The following MYT1L variants were observed in gnomAD, a reference collection of about 807,000 sequenced individuals.
MYT1L encodes myelin transcription factor 1-like protein.
In MYT1L, 12 loss-of-function variants were observed where a neutral mutation model predicts 126.7. The observed-to-expected ratio is 0.09, with a 90% CI of 0.06 to 0.15. MYT1L has a LOEUF of 0.15. Ranked by LOEUF, MYT1L falls within the 10% of genes least tolerant of loss-of-function variation. The pLI, the probability that MYT1L is intolerant of heterozygous loss-of-function variation, is 1.00. For missense variants in MYT1L, 979 were observed against 1,585.2 expected (o/e 0.62, Z 6.49); for synonymous variants, 541 against 604.2 (o/e 0.90, Z 1.53).
intron 4 of MYT1L, among the ~76,000 whole-genome samples, chr2:2,006,454 A>G (rs770991832): frequency 2.6e-5 from 4 of 152,240 alleles, no homozygotes; most frequent in Non-Finnish European, 4.4e-5. Flanking sequence ...ATTGGGCATT[A>G]GATCTCTAGA....
intron 21 of MYT1L, among the ~76,000 whole-genome samples, chr2:1,821,762 G>A (rs2038564649): frequency 6.6e-6 from 1 of 152,180 alleles, no homozygotes; most frequent in African/African-American, 2.4e-5. Context: ...GGGGAGTGGA[G>A]AAGGCAGAGG....
chr2:2,029,321 G>A (rs1479757793), intron 4 of MYT1L, among the ~76,000 whole-genome samples: 1 of 152,182 alleles, frequency 6.6e-6, no homozygotes. Context: ...AAGGAAAGAG[G>A]TTTAATGGAC....
At chr2:2,260,471 G>A (rs905166906) in intron 2 of MYT1L, among the ~76,000 whole-genome samples, 1 of 152,184 alleles carries the variant, frequency 6.6e-6, no homozygotes, top group East Asian at 1.9e-4. Flanking sequence ...GTGCTTGTGA[G>A]TTACTATTTC....
At chr2:2,208,054 G>T (rs1478759118) in intron 2 of MYT1L, among the ~76,000 whole-genome samples, 1 of 152,092 alleles carries the variant, frequency 6.6e-6, no homozygotes, top group Non-Finnish European at 1.5e-5. Flanking sequence ...AAGTTTCATT[G>T]TCCATGTACA....
At chr2:1,792,896 A>T (rs571947008) in intron 23 of MYT1L, among the ~76,000 whole-genome samples, 3 of 151,046 alleles carry the variant, frequency 2.0e-5, no homozygotes, top group African/African-American at 4.9e-5. Flanking sequence ...AAAGGAAAAG[A>T]AAAAGGCTTC....
In MYT1L at chr2:2,208,607, T is replaced by TA. The variant is rs376751120; in HGVS notation, c.-420-35620dup. On this transcript the variant is annotated intron_variant, in intron 2 of 24. Transcript: ENST00000647738. ...ACACAACAATAACAATTAAAAACTT[T>TA]AAAAAACTTTAATTTATAAATAACC... Among the ~76,000 whole-genome samples, 1,291 of 152,364 alleles carry TA rather than the reference T, an allele frequency of 8.5e-3. 19 individuals are homozygous for TA. Among genetic ancestry groups the TA allele is most frequent in the African/African-American group, 0.026 (1,086 of 41,586 alleles).
chr2:2,211,430 G>A (rs950762798), intron 2 of MYT1L, among the ~76,000 whole-genome samples: 5 of 151,896 alleles, frequency 3.3e-5, no homozygotes, highest in African/African-American at 9.7e-5. Flanking sequence ...AATTCTGTTA[G>A]TACTCCTTTA....
chr2:1,978,696 A>G (rs1387350414), intron 8 of MYT1L, among the ~76,000 whole-genome samples: 1 of 152,136 alleles, frequency 6.6e-6, no homozygotes, highest in Non-Finnish European at 1.5e-5. Flanking sequence ...AGCCGTCCAG[A>G]TGTAAGAATG....
intron 1 of MYT1L, among the ~76,000 whole-genome samples, chr2:2,296,773 G>T (rs1331767175): frequency 6.6e-6 from 1 of 152,064 alleles, no homozygotes; most frequent in African/African-American, 2.4e-5. Flanking sequence ...GATGGTCTCG[G>T]CCTGGAGACA....
intron 5 of MYT1L, among the ~76,000 whole-genome samples, chr2:1,986,410 C>G (rs1247037999): frequency 6.6e-6 from 1 of 152,094 alleles, no homozygotes; most frequent in African/African-American, 2.4e-5. Flanking sequence ...AGGGTATTTG[C>G]TCTGGGAAAA....
At chr2:2,005,865 T>TTTCTTTCCTGCATGCG (rs1236355738) in intron 4 of MYT1L, among the ~76,000 whole-genome samples, 2 of 147,414 alleles carry the variant, frequency 1.4e-5, no homozygotes, top group Non-Finnish European at 3.0e-5. Context: ...TCCTGCCTGC[T>TTTCTTTCCTGCATGCG]TTCTTTCCTG....
At chr2:2,094,874 A>T (rs1012729870) in intron 3 of MYT1L, among the ~76,000 whole-genome samples, 2 of 152,290 alleles carry the variant, frequency 1.3e-5, no homozygotes, top group East Asian at 3.9e-4. Context: ...ATACATATGT[A>T]ACTAACCTGC....
At chr2:1,867,125 G>A (rs1228982343) in intron 18 of MYT1L, among the ~76,000 whole-genome samples, 1 of 151,940 alleles carries the variant, frequency 6.6e-6, no homozygotes, top group Non-Finnish European at 1.5e-5. Flanking sequence ...ACAGAGTCTT[G>A]CTCACAGCAA....
rs572324948 is a variant in MYT1L at position 2,181,246 on chromosome 2, G to C, written c.-420-8258C>G. ...TGTGTGTGTACCTGTGTATATCTGT[G>C]TGTGCACATGTATCTGTACCTGTGT... is the stretch of plus-strand genomic sequence containing the variant. On this transcript the variant is annotated intron_variant, in intron 2 of 24. Transcript: ENST00000647738. Among the ~76,000 whole-genome samples, 12 of 151,968 alleles carry C rather than the reference G, an allele frequency of 7.9e-5. No individual in the cohort carries two copies. In the East Asian group the frequency reaches 2.3e-3, roughly 30 times the overall value.
At chr2:1,888,621 A>C (rs1253912283) in intron 16 of MYT1L, among the ~76,000 whole-genome samples, 6 of 152,216 alleles carry the variant, frequency 3.9e-5, no homozygotes, top group African/African-American at 1.4e-4. Flanking sequence ...ATTTTTCTTT[A>C]TTTCTTTTCA....
rs1440584659 is a variant in MYT1L at position 1,848,548 on chromosome 2, A to G, written c.2774+3093T>C. On this transcript the variant is annotated intron_variant, in intron 19 of 24. Transcript: ENST00000647738. This position sits in a 1 kb window ranked among gnomAD's most constrained non-coding sequence, Gnocchi z 4.8. ...GAGGGAAAAAGAAGGCCAGTGAATC[A>G]TCGTCTAAGTGGCGTTTGCCTATAG... Among the ~76,000 whole-genome samples the G allele has an allele frequency of 6.6e-6, 1 of 152,206 alleles. No individual in the cohort carries two copies. Among genetic ancestry groups the G allele is most frequent in the East Asian group, 1.9e-4 (1 of 5,186 alleles).
chr2:2,191,946 A>C (rs562952486), intron 2 of MYT1L, among the ~76,000 whole-genome samples: 1 of 152,232 alleles, frequency 6.6e-6, no homozygotes, highest in African/African-American at 2.4e-5. Context: ...AGCAGACCCT[A>C]CGTTATCCAT....
chr2:2,194,619 T>C (rs1354168591), intron 2 of MYT1L, among the ~76,000 whole-genome samples: 1 of 152,106 alleles, frequency 6.6e-6, no homozygotes, highest in Non-Finnish European at 1.5e-5. Context: ...TCAGAAGCAG[T>C]AGAGTGTCTG....
At position 1,806,164 on chromosome 2, in the gene MYT1L, C is replaced by T. The variant is rs185400764; in HGVS notation, c.3172+2912G>A. Among the ~76,000 whole-genome samples, 2 of 152,298 alleles carry T rather than the reference C, an allele frequency of 1.3e-5. No homozygotes were observed. Among genetic ancestry groups the T allele is most frequent in the East Asian group, 3.9e-4 (2 of 5,166 alleles). ...TGATGCCTGGGCACACAACTGTGCT[C>T]TGGGGGTAAGAAAGAACTATCTCAG... On this transcript the variant is annotated intron_variant, in intron 22 of 24. Transcript: ENST00000647738. The surrounding 1 kb of genome is among the most constrained non-coding windows in gnomAD (Gnocchi z 4.9).
Sources: allele counts gnomAD v4.1 joint callset (sites outside exome capture counted in the v4.1 genomes callset), GRCh38; gene constraint gnomAD v4.1.1; non-coding constraint Gnocchi (gnomAD v3.1); transcripts MANE v1.5; gene names NCBI Gene and HGNC (gene_info 2026-07-23, HGNC 2026-07-21).